EPHA6: variants seen among roughly 807,000 people sequenced by gnomAD.
The protein encoded by EPHA6 is ephrin type-A receptor 6.
In EPHA6, 50 loss-of-function variants were observed where a neutral mutation model predicts 112.0. The ratio of observed to expected loss-of-function variants is 0.45; its 90% CI spans 0.36 to 0.56. The LOEUF (loss-of-function observed/expected upper bound fraction) is 0.56, where lower values mean the gene tolerates loss of function less well. Among genes scored for constraint, EPHA6 ranks in the 20% least tolerant of loss-of-function variants. The pLI, the probability that EPHA6 is intolerant of heterozygous loss-of-function variation, is 0.00. For synonymous variants in EPHA6, 529 were observed against 490.7 expected (o/e 1.08, Z -1.03); for missense variants, 1,280 against 1,417.4 (o/e 0.90, Z 1.56).
At chr3:97,299,537 G>A (rs140711457) in intron 5 of EPHA6, among the ~76,000 whole-genome samples, 7 of 152,142 alleles carry the variant, frequency 4.6e-5, no homozygotes, top group Non-Finnish European at 8.8e-5. Context: ...TATTTGAGAG[G>A]AATAGATGAG....
At chr3:97,684,002 CACTT>C (rs1220530828) in intron 14 of EPHA6, among the ~76,000 whole-genome samples, 1 of 152,106 alleles carries the variant, frequency 6.6e-6, no homozygotes, top group Non-Finnish European at 1.5e-5. Context: ...TTACTCAACA[CACTT>C]AGGTGCTGCT....
rs1470801433 is a variant in EPHA6 at position 96,872,077 on chromosome 3, T to G, written c.450+5188T>G. ...AATTCTTACATTTCTTCATTTGGTT[T>G]GATGAGTCAAATATTTTAAAAGATC... On this transcript the variant is annotated intron_variant, in intron 2 of 17. Transcript: ENST00000389672. Among the ~76,000 whole-genome samples, 6 of 152,218 alleles carry G rather than the reference T, an allele frequency of 3.9e-5. No individual in the cohort carries two copies. In the South Asian group the frequency reaches 1.2e-3, roughly 32 times the overall value.
At chr3:97,246,026 T>G (rs2078978012) in intron 5 of EPHA6, among the ~76,000 whole-genome samples, 1 of 152,056 alleles carries the variant, frequency 6.6e-6, no homozygotes, top group African/African-American at 2.4e-5. Flanking sequence ...TTCCTCTTCA[T>G]TTAGCATAGT....
At chr3:97,439,857 C>T (rs1021577991) in intron 6 of EPHA6, among the ~76,000 whole-genome samples, 1 of 152,068 alleles carries the variant, frequency 6.6e-6, no homozygotes, top group Admixed American at 6.6e-5. Context: ...GAAAGGTATC[C>T]TAATGTGTGT....
intron 6 of EPHA6, among the ~76,000 whole-genome samples, chr3:97,432,253 A>G (rs1357211921): frequency 6.6e-6 from 1 of 152,172 alleles, no homozygotes; most frequent in African/African-American, 2.4e-5. Flanking sequence ...CCACTAACTC[A>G]AGGTATAGTT....
At chr3:97,731,608 T>A (rs1369531877) in intron 15 of EPHA6, among the ~76,000 whole-genome samples, 1 of 152,102 alleles carries the variant, frequency 6.6e-6, no homozygotes, top group Non-Finnish European at 1.5e-5. Context: ...TATGTGATAT[T>A]GACCCAATCT....
intron 2 of EPHA6, among the ~76,000 whole-genome samples, chr3:96,933,758 G>C (rs1158743148): frequency 6.6e-6 from 1 of 152,182 alleles, no homozygotes; most frequent in Middle Eastern, 3.4e-3. Flanking sequence ...ATTTTAAAGT[G>C]AAATAGGAAG....
intron 14 of EPHA6, among the ~76,000 whole-genome samples, chr3:97,689,253 C>T (rs993598167): frequency 1.3e-5 from 2 of 152,142 alleles, no homozygotes; most frequent in African/African-American, 4.8e-5. Context: ...AATTTGTGTT[C>T]ATTCAAACAT....
chr3:97,604,541 A>C (rs1195350268), intron 12 of EPHA6, among the ~76,000 whole-genome samples: 3 of 151,754 alleles, frequency 2.0e-5, no homozygotes, highest in African/African-American at 7.2e-5. Context: ...CAAACATAAT[A>C]ATACAGAAGC....
chr3:97,661,848 A>G (rs1468118192), intron 14 of EPHA6, among the ~76,000 whole-genome samples: 1 of 152,132 alleles, frequency 6.6e-6, no homozygotes, highest in Non-Finnish European at 1.5e-5. Context: ...ATTTCCTCTT[A>G]TGGATGTCCT....
At chr3:97,095,161 G>A (rs576839823) in intron 3 of EPHA6, among the ~76,000 whole-genome samples, 34 of 152,086 alleles carry the variant, frequency 2.2e-4, no homozygotes, top group Non-Finnish European at 3.8e-4. Flanking sequence ...TGAAAGAAGC[G>A]TAATATTGTT....
At position 96,987,662 on chromosome 3, in the gene EPHA6, C is replaced by T. The variant is rs1395356906; in HGVS notation, c.783C>T (p.Leu261=). 1 of 1,607,376 alleles carries T rather than the reference C, an allele frequency of 6.2e-7. No homozygotes were observed. The highest frequency in any genetic ancestry group is 1.7e-5 in the Admixed American group (1 of 59,708). The change falls in exon 3 of 18, where the codon CTC becomes CTT. Residue 261 remains leucine (L), a synonymous_variant. Transcript: ENST00000389672. ...FTQMDLGDRI[L]KLNTEIREVG... ...AGATGGATTTGGGTGATCGCATCCTCAAACTCAACACTGAAATTCGTGAGG... is the reference window on the plus strand; with the variant it reads ...AGATGGATTTGGGTGATCGCATCCTTAAACTCAACACTGAAATTCGTGAGG...
chr3:97,617,294 A>G (rs2093774903), intron 13 of EPHA6, among the ~76,000 whole-genome samples: 2 of 152,124 alleles, frequency 1.3e-5, no homozygotes, highest in Non-Finnish European at 2.9e-5. Context: ...TGCAGAAAGG[A>G]AAAACTATTA....
chr3:97,308,192 G>A (rs1292268986), intron 5 of EPHA6, among the ~76,000 whole-genome samples: 2 of 151,532 alleles, frequency 1.3e-5, no homozygotes, highest in Admixed American at 1.3e-4. Flanking sequence ...CTTAACTCAA[G>A]CCATGATTAT....
intron 13 of EPHA6, among the ~76,000 whole-genome samples, chr3:97,628,531 G>A (rs1231596595): frequency 1.3e-5 from 2 of 151,736 alleles, no homozygotes; most frequent in East Asian, 1.9e-4. Flanking sequence ...TTTTTCAGGT[G>A]GCTAAAAATA....
chr3:97,025,470 A>T (rs2044605533), intron 3 of EPHA6, among the ~76,000 whole-genome samples: 1 of 152,158 alleles, frequency 6.6e-6, no homozygotes, highest in Non-Finnish European at 1.5e-5. Context: ...TTCTTTTGTT[A>T]TGCAGAAGCT....
At chr3:96,866,937 A>C in intron 2 of EPHA6, 48 bp downstream of exon 2, 1 of 1,117,638 alleles carries the variant, frequency 8.9e-7, no homozygotes, top group South Asian at 1.7e-5. Flanking sequence ...GATTTTTAAG[A>C]TCTCCTAATA....
chr3:97,541,727 G>GCT (rs2092855120), intron 11 of EPHA6, among the ~76,000 whole-genome samples: 1 of 131,896 alleles, frequency 7.6e-6, no homozygotes, highest in African/African-American at 2.6e-5. Context: ...TCTTTTTTTT[G>GCT]TTTTTTTTTT....
At chr3:97,186,226 A>C (rs1415340894) in intron 3 of EPHA6, among the ~76,000 whole-genome samples, 1 of 151,912 alleles carries the variant, frequency 6.6e-6, no homozygotes, top group Admixed American at 6.6e-5. Context: ...AAAAAATGTC[A>C]TCCTCAAGAA....
Sources: gnomAD v4.1 joint callset for allele counts (sites outside exome capture counted in the v4.1 genomes callset) on GRCh38, gnomAD v4.1.1 for gene constraint, MANE v1.5 for transcripts, NCBI Gene and HGNC (gene_info 2026-07-23, HGNC 2026-07-21) for gene names.